Variants in IMMP2L observed in about 807,000 individuals in gnomAD.
IMMP2L encodes the protein mitochondrial inner membrane protease subunit 2.
Under a neutral mutation model 19.3 loss-of-function variants are expected in IMMP2L, and 18 were observed. The ratio of observed to expected loss-of-function variants is 0.93; its 90% CI spans 0.64 to 1.38. The LOEUF is 1.38. Among genes scored for constraint, IMMP2L ranks in the 40% most tolerant of loss-of-function variants. The pLI is 0.00. For missense variants in IMMP2L, 233 were observed against 218.2 expected, an observed-to-expected ratio of 1.07 and a Z score of -0.43; for synonymous variants, 76 against 73.0, an observed-to-expected ratio of 1.04 and a Z score of -0.21.
At chr7:111,286,798 GTCAT>G (rs1820534332) in intron 3 of IMMP2L, among the ~76,000 whole-genome samples, 1 of 152,068 alleles carries the variant, frequency 6.6e-6, no homozygotes, top group Admixed American at 6.5e-5. Flanking sequence ...TCAGAAAATG[GTCAT>G]GGATCCTCTT....
intron 4 of IMMP2L, among the ~76,000 whole-genome samples, chr7:110,958,391 A>G (rs1284466743): frequency 2.0e-5 from 3 of 152,078 alleles, no homozygotes; most frequent in African/African-American, 7.2e-5. Flanking sequence ...GATGTTCATT[A>G]AAGCATTTTG....
rs200291058 is a variant in IMMP2L, at chr7:111,123,416, G to A, written c.240-159851C>T. The A allele has an allele frequency of 2.5e-5, 40 of 1,613,336 alleles. No individual in the cohort carries two copies. The highest frequency in any genetic ancestry group is 2.0e-4 in the Admixed American group (12 of 59,882). On this transcript the variant is annotated intron_variant, in intron 3 of 5. Transcript: ENST00000405709. The surrounding 1 kb of genome is among the most constrained non-coding windows in gnomAD (Gnocchi z 6.4). Reference sequence around the variant, plus strand: ...AACTTTAAGCCTCTTATCAATCTTCGCAGCCTGGTTATAGCTGGTATAAAC... The same window carrying A: ...AACTTTAAGCCTCTTATCAATCTTCACAGCCTGGTTATAGCTGGTATAAAC...
At chr7:110,705,701 T>C (rs902319166) in intron 5 of IMMP2L, among the ~76,000 whole-genome samples, 12 of 152,016 alleles carry the variant, frequency 7.9e-5, no homozygotes, top group African/African-American at 2.4e-4. Context: ...TCTGGGTGCA[T>C]AGTACCCAAA....
At chr7:111,453,239 T>C (rs1839382769) in intron 3 of IMMP2L, among the ~76,000 whole-genome samples, 1 of 152,188 alleles carries the variant, frequency 6.6e-6, no homozygotes, top group African/African-American at 2.4e-5. Flanking sequence ...ACTGTATAGC[T>C]TGCTTCTTCA....
At chr7:111,188,935 T>G (rs1022489508) in intron 3 of IMMP2L, among the ~76,000 whole-genome samples, 2 of 152,118 alleles carry the variant, frequency 1.3e-5, no homozygotes, top group Non-Finnish European at 2.9e-5. Context: ...GCTAACTTCC[T>G]GGAAGATCAG....
chr7:110,780,477 C>T (rs1016695636), intron 5 of IMMP2L, among the ~76,000 whole-genome samples: 98 of 151,648 alleles, frequency 6.5e-4, no homozygotes, highest in African/African-American at 2.3e-3. Flanking sequence ...ACTGAGAGTA[C>T]ATTCAGAGGT....
At chr7:111,484,783 T>G (rs1255371697) in intron 3 of IMMP2L, among the ~76,000 whole-genome samples, 2 of 152,178 alleles carry the variant, frequency 1.3e-5, no homozygotes, top group East Asian at 3.9e-4. Flanking sequence ...TGTTTCATCA[T>G]AAGACTAAAA....
chr7:111,102,853 C>G (rs982264471), intron 3 of IMMP2L, among the ~76,000 whole-genome samples: 3 of 151,456 alleles, frequency 2.0e-5, no homozygotes, highest in African/African-American at 7.3e-5. Context: ...AAAATAATTA[C>G]AATCTTTGAA....
At chr7:111,396,752 T>G (rs574970110) in intron 3 of IMMP2L, among the ~76,000 whole-genome samples, 1 of 152,304 alleles carries the variant, frequency 6.6e-6, no homozygotes, top group African/African-American at 2.4e-5. Context: ...TGCTAGTCTG[T>G]AGTTTGTAAC....
chr7:110,769,698 G>C (rs1210709048), intron 5 of IMMP2L, among the ~76,000 whole-genome samples: 1 of 151,796 alleles, frequency 6.6e-6, no homozygotes, highest in Non-Finnish European at 1.5e-5. Context: ...TAACTGGAAA[G>C]AAAACGAACG....
intron 3 of IMMP2L, among the ~76,000 whole-genome samples, chr7:111,225,144 A>T (rs1433281854): frequency 6.6e-6 from 1 of 152,132 alleles, no homozygotes; most frequent in Non-Finnish European, 1.5e-5. Context: ...GATTTTTGGC[A>T]GACATTTTCA....
At chr7:111,470,947 TA>T (rs1841204396) in intron 3 of IMMP2L, among the ~76,000 whole-genome samples, 1 of 151,428 alleles carries the variant, frequency 6.6e-6, no homozygotes, top group African/African-American at 2.4e-5. Flanking sequence ...CATACAAAGC[TA>T]AAACAGAACC....
chr7:111,027,558 T>G (rs1361606413), intron 3 of IMMP2L, among the ~76,000 whole-genome samples: 1 of 151,820 alleles, frequency 6.6e-6, no homozygotes, highest in Non-Finnish European at 1.5e-5. Context: ...ACGGCTAAAG[T>G]CATTTAGTGG....
At position 110,956,729 on chromosome 7, in the gene IMMP2L, A is replaced by G. The variant is rs553981798; in HGVS notation, c.305+6771T>C. Among the ~76,000 whole-genome samples, 8 of 152,062 alleles carry G rather than the reference A, an allele frequency of 5.3e-5. 1 individual carries two copies. The South Asian group carries it at 1.7e-3, about 32-fold the overall frequency. Reference sequence around the variant, plus strand: ...GGTTGCTAACCACATGGAGCCCGAGATTCCAAAATTCTATAAAATGGTATT... The same window carrying G: ...GGTTGCTAACCACATGGAGCCCGAGGTTCCAAAATTCTATAAAATGGTATT... On this transcript the variant is annotated intron_variant, in intron 4 of 5. Transcript: ENST00000405709.
chr7:111,358,000 T>C (rs982360431), intron 3 of IMMP2L, among the ~76,000 whole-genome samples: 1 of 151,916 alleles, frequency 6.6e-6, no homozygotes, highest in African/African-American at 2.4e-5. Flanking sequence ...TAGGGCATTC[T>C]GGACTCTTTT....
At chr7:110,669,004 TC>T (rs555072684) in intron 5 of IMMP2L, among the ~76,000 whole-genome samples, 2 of 150,672 alleles carry the variant, frequency 1.3e-5, no homozygotes, top group South Asian at 2.1e-4. Flanking sequence ...AGTTAGGTTC[TC>T]CAGAGAAACT....
intron 2 of IMMP2L, among the ~76,000 whole-genome samples, chr7:111,493,453 A>G (rs1843282561): frequency 6.6e-6 from 1 of 152,144 alleles, no homozygotes; most frequent in Non-Finnish European, 1.5e-5. Context: ...CTGTAATCCC[A>G]GCACTTTGGG....
intron 5 of IMMP2L, among the ~76,000 whole-genome samples, chr7:110,700,710 C>A (rs1794223109): frequency 6.6e-6 from 1 of 152,204 alleles, no homozygotes; most frequent in African/African-American, 2.4e-5. Flanking sequence ...GGATATTGGA[C>A]TTTCTTACCT....
At chr7:111,483,142 G>A (rs1163060079) in intron 3 of IMMP2L, among the ~76,000 whole-genome samples, 1 of 151,972 alleles carries the variant, frequency 6.6e-6, no homozygotes, top group East Asian at 1.9e-4. Flanking sequence ...TCTATATAAT[G>A]TTAATATTAG....
Sources: gnomAD v4.1 joint callset for allele counts (sites outside exome capture counted in the v4.1 genomes callset) on GRCh38, gnomAD v4.1.1 for gene constraint, Gnocchi (gnomAD v3.1) non-coding constraint, MANE v1.5 for transcripts, NCBI Gene and HGNC (gene_info 2026-07-23, HGNC 2026-07-21) for gene names.